Variants in PTPRR observed in about 807,000 individuals in gnomAD.
The protein encoded by PTPRR is receptor-type tyrosine-protein phosphatase R.
In PTPRR, 38 loss-of-function variants were observed where a neutral mutation model predicts 77.2. The observed-to-expected ratio is 0.49, with a 90% CI of 0.38 to 0.65. The LOEUF is 0.65. Among genes scored for constraint, PTPRR ranks in the 30% least tolerant of loss-of-function variants. The pLI, the probability that PTPRR is intolerant of heterozygous loss-of-function variation, is 0.00. For missense variants in PTPRR, 744 were observed against 799.2 expected (o/e 0.93, Z 0.83); for synonymous variants, 299 against 283.1 (o/e 1.06, Z -0.57).
At chr12:70,791,259 A>G (rs1891417492) in intron 2 of PTPRR, among the ~76,000 whole-genome samples, 1 of 152,052 alleles carries the variant, frequency 6.6e-6, no homozygotes. Context: ...CTTCCACTTC[A>G]TTTATTCTAG....
At chr12:70,685,037 C>G (rs1324555222) in intron 8 of PTPRR, 1 of 304,110 alleles carries the variant, frequency 3.3e-6, no homozygotes. Context: ...TCATCTGTTC[C>G]GGTTCTCGAC....
chr12:70,769,931 G>A (rs1425591396), intron 2 of PTPRR, among the ~76,000 whole-genome samples: 1 of 152,000 alleles, frequency 6.6e-6, no homozygotes, highest in Non-Finnish European at 1.5e-5. Context: ...TTTAATAAAT[G>A]GTGCTGGGAA....
intron 2 of PTPRR, among the ~76,000 whole-genome samples, chr12:70,876,860 A>T (rs1323834916): frequency 1.3e-5 from 2 of 152,226 alleles, no homozygotes; most frequent in Non-Finnish European, 2.9e-5. Context: ...AATGAGTCAG[A>T]TCTAGAAGTA....
chr12:70,740,384 T>C (rs1592721820), intron 6 of PTPRR, among the ~76,000 whole-genome samples: 1 of 136,942 alleles, frequency 7.3e-6, no homozygotes, highest in South Asian at 2.4e-4. Flanking sequence ...TTTTTTTTTT[T>C]CTTTTTGAGA....
At chr12:70,800,787 CAGGA>C (rs1891600927) in intron 2 of PTPRR, among the ~76,000 whole-genome samples, 4 of 151,890 alleles carry the variant, frequency 2.6e-5, no homozygotes, top group African/African-American at 9.7e-5. Flanking sequence ...CTCAGCTATT[CAGGA>C]GGCTGAGGCA....
chr12:70,661,872 C>T (rs1486344498), intron 11 of PTPRR, among the ~76,000 whole-genome samples: 5 of 152,164 alleles, frequency 3.3e-5, no homozygotes, highest in Non-Finnish European at 5.9e-5. Flanking sequence ...GATTCTATCC[C>T]AGCAGTGAGG....
intron 10 of PTPRR, chr12:70,672,553 A>G: frequency 7.4e-7 from 1 of 1,344,514 alleles, no homozygotes; most frequent in Non-Finnish European, 1.1e-6. Context: ...AACCTTCAAC[A>G]CCTTCTACCC....
At chr12:70,886,375 T>C (rs1274355061) in intron 2 of PTPRR, among the ~76,000 whole-genome samples, 3 of 152,246 alleles carry the variant, frequency 2.0e-5, no homozygotes, top group Non-Finnish European at 2.9e-5. Flanking sequence ...TAACATTAAG[T>C]TAAGAGCAGA....
At chr12:70,823,118 C>CACACAA (rs1892049463) in intron 2 of PTPRR, among the ~76,000 whole-genome samples, 1 of 115,426 alleles carries the variant, frequency 8.7e-6, no homozygotes, top group Non-Finnish European at 2.0e-5. Context: ...GACACACACA[C>CACACAA]ACACACACAC....
At chr12:70,686,231 C>A (rs149099277) in intron 8 of PTPRR, among the ~76,000 whole-genome samples, 1 of 151,936 alleles carries the variant, frequency 6.6e-6, no homozygotes, top group South Asian at 2.1e-4. Context: ...ACGTTCCCCA[C>A]GAAAACTGAG....
At chr12:70,866,817 CA>C (rs1408383374) in intron 2 of PTPRR, among the ~76,000 whole-genome samples, 2 of 152,064 alleles carry the variant, frequency 1.3e-5, no homozygotes, top group Non-Finnish European at 2.9e-5. Flanking sequence ...AGCAGCACAT[CA>C]AAAAGCTTAT....
intron 2 of PTPRR, among the ~76,000 whole-genome samples, chr12:70,774,841 G>A (rs1224379150): frequency 2.0e-5 from 3 of 152,138 alleles, no homozygotes; most frequent in Non-Finnish European, 4.4e-5. Flanking sequence ...ATAGTTAGAA[G>A]ATATATGCTA....
At chr12:70,773,591 G>A (rs1326408100) in intron 2 of PTPRR, among the ~76,000 whole-genome samples, 1 of 152,090 alleles carries the variant, frequency 6.6e-6, no homozygotes, top group Non-Finnish European at 1.5e-5. Flanking sequence ...AAAGGCAGTG[G>A]TAAAGTCTTG....
At chr12:70,915,498 T>C (rs1893762076) in intron 1 of PTPRR, among the ~76,000 whole-genome samples, 1 of 152,224 alleles carries the variant, frequency 6.6e-6, no homozygotes, top group Non-Finnish European at 1.5e-5. Flanking sequence ...TTCTAGTGTA[T>C]TAGACTCTCT....
intron 2 of PTPRR, among the ~76,000 whole-genome samples, chr12:70,827,121 C>G (rs1183856373): frequency 3.3e-5 from 5 of 152,216 alleles, no homozygotes; most frequent in Non-Finnish European, 5.9e-5. Flanking sequence ...GGGCATGGCC[C>G]TCTAATATCA....
At chr12:70,727,651 G>T (rs1889491115) in intron 6 of PTPRR, among the ~76,000 whole-genome samples, 1 of 152,130 alleles carries the variant, frequency 6.6e-6, no homozygotes, top group South Asian at 2.1e-4. Flanking sequence ...TGGATACATT[G>T]AGGGGAATGA....
intron 2 of PTPRR, among the ~76,000 whole-genome samples, chr12:70,769,733 G>A (rs1277891504): frequency 6.6e-6 from 1 of 151,850 alleles, no homozygotes; most frequent in Non-Finnish European, 1.5e-5. Context: ...CAAAGCTGGA[G>A]GCATCATGCT....
At chr12:70,910,053 A>AT (rs999813743) in intron 1 of PTPRR, among the ~76,000 whole-genome samples, 9 of 151,902 alleles carry the variant, frequency 5.9e-5, no homozygotes, top group African/African-American at 1.7e-4. Flanking sequence ...TTTTAGAGTG[A>AT]TTTTTTTTAA....
chr12:70,645,398 T>C (rs79757608), intron 13 of PTPRR, among the ~76,000 whole-genome samples: 4,743 of 152,308 alleles, frequency 0.031, 100 homozygotes, highest in Non-Finnish European at 0.046. Flanking sequence ...ATAAATGCTG[T>C]GTATTATTTT....
Sources: gnomAD v4.1 joint callset for allele counts (sites outside exome capture counted in the v4.1 genomes callset) on GRCh38, gnomAD v4.1.1 for gene constraint, MANE v1.5 for transcripts, NCBI Gene and HGNC (gene_info 2026-07-23, HGNC 2026-07-21) for gene names.